Variants in VRK2 observed in about 807,000 individuals in gnomAD.
VRK2 encodes the protein VRK serine/threonine kinase 2.
A neutral mutation model predicts 57.6 loss-of-function variants in VRK2; 60 were observed. That is an observed-to-expected ratio of 1.04 (90% confidence interval 0.85 to 1.29). The LOEUF (loss-of-function observed/expected upper bound fraction) is 1.29, where lower values mean the gene tolerates loss of function less well. Among genes scored for constraint, VRK2 ranks in the 50% most tolerant of loss-of-function variants. The pLI is 0.00. For missense variants in VRK2, 705 were observed against 588.1 expected (o/e 1.20, Z -2.06); for synonymous variants, 231 against 199.2 (o/e 1.16, Z -1.35).
intron 1 of VRK2, among the ~76,000 whole-genome samples, chr2:58,014,120 A>T (rs545063257): frequency 6.6e-6 from 1 of 152,142 alleles, no homozygotes; most frequent in East Asian, 1.9e-4. Flanking sequence ...TTGCTAATTG[A>T]TTCATTTTTA....
At chr2:57,915,499 G>A (rs1670118366) in intron 1 of VRK2, among the ~76,000 whole-genome samples, 1 of 152,024 alleles carries the variant, frequency 6.6e-6, no homozygotes, top group Non-Finnish European at 1.5e-5. Context: ...ATACATATGT[G>A]CTCCCTAGGA....
At chr2:58,099,386 C>CA (rs1673632645) in intron 7 of VRK2, among the ~76,000 whole-genome samples, 1 of 152,194 alleles carries the variant, frequency 6.6e-6, no homozygotes, top group East Asian at 1.9e-4. Flanking sequence ...GCTCAGGTCT[C>CA]ACTTGCCTTC....
At chr2:58,032,719 C>T (rs1389477657) in intron 2 of VRK2, among the ~76,000 whole-genome samples, 1 of 152,124 alleles carries the variant, frequency 6.6e-6, no homozygotes, top group Non-Finnish European at 1.5e-5. Flanking sequence ...AGTGCTTTAG[C>T]TCAGCATCTC....
At chr2:58,133,594 T>TA (rs1679534397) in intron 9 of VRK2, among the ~76,000 whole-genome samples, 1 of 152,208 alleles carries the variant, frequency 6.6e-6, no homozygotes, top group South Asian at 2.1e-4. Context: ...TCAATGTGTG[T>TA]ATTGTTGCTA....
intron 1 of VRK2, among the ~76,000 whole-genome samples, chr2:58,002,210 G>C (rs1387321310): frequency 6.6e-6 from 1 of 152,224 alleles, no homozygotes; most frequent in African/African-American, 2.4e-5. Context: ...GCTGGGCGTG[G>C]TGGTTCACGC....
intron 1 of VRK2, among the ~76,000 whole-genome samples, chr2:57,968,805 G>A (rs991736039): frequency 6.6e-6 from 1 of 152,000 alleles, no homozygotes; most frequent in Non-Finnish European, 1.5e-5. Context: ...ATGTTGTTCT[G>A]TTACGAAAAC....
intron 3 of VRK2, among the ~76,000 whole-genome samples, chr2:58,035,302 C>G (rs957987027): frequency 1.3e-5 from 2 of 152,010 alleles, no homozygotes; most frequent in African/African-American, 4.8e-5. Flanking sequence ...AAAACCTGCT[C>G]TTATCATTAC....
chr2:57,943,633 A>C (rs1671166536), intron 1 of VRK2, among the ~76,000 whole-genome samples: 1 of 152,238 alleles, frequency 6.6e-6, no homozygotes, highest in South Asian at 2.1e-4. Context: ...GGGTATGATA[A>C]ACTTGATGAT....
intron 1 of VRK2, among the ~76,000 whole-genome samples, chr2:57,951,050 G>A (rs1671412575): frequency 6.6e-6 from 1 of 151,946 alleles, no homozygotes; most frequent in Admixed American, 6.6e-5. Context: ...CGAGATTGCA[G>A]CACTGCACTC....
intron 2 of VRK2, among the ~76,000 whole-genome samples, chr2:58,071,329 T>C (rs1037263189): frequency 2.0e-5 from 3 of 152,100 alleles, no homozygotes; most frequent in Non-Finnish European, 4.4e-5. Context: ...ACAGTTCTTT[T>C]CTTGCATGGA....
At chr2:57,967,593 G>T (rs1671964011) in intron 1 of VRK2, among the ~76,000 whole-genome samples, 1 of 152,072 alleles carries the variant, frequency 6.6e-6, no homozygotes, top group Non-Finnish European at 1.5e-5. Flanking sequence ...AATCTTGCGT[G>T]AGGCAGTTGA....
At chr2:57,933,933 C>A (rs983403962) in intron 1 of VRK2, among the ~76,000 whole-genome samples, 2 of 151,896 alleles carry the variant, frequency 1.3e-5, no homozygotes, top group Non-Finnish European at 2.9e-5. Flanking sequence ...GTTTTGTGAC[C>A]ATGAAGTTTA....
At chr2:58,096,804 A>G (rs1388028575) in intron 7 of VRK2, among the ~76,000 whole-genome samples, 1 of 151,664 alleles carries the variant, frequency 6.6e-6, no homozygotes, top group Non-Finnish European at 1.5e-5. Flanking sequence ...ATGTCCCTCC[A>G]TAAGAGTTTA....
intron 7 of VRK2, among the ~76,000 whole-genome samples, chr2:58,105,319 T>C (rs1674572196): frequency 6.6e-6 from 1 of 151,674 alleles, no homozygotes; most frequent in South Asian, 2.1e-4. Flanking sequence ...GACAAAGGGC[T>C]AATATCCAGA....
At position 58,159,793 on chromosome 2, in the gene VRK2, G is replaced by GTAAT. The variant is rs759217526; in HGVS notation, c.*102_*105dup. ...GTGTTTCCTTCCAGACATTTTTAAG[G>GTAAT]TAATTGGCTTTAAAAAGAGAACATA... On this transcript the variant is annotated 3_prime_UTR_variant, in exon 13 of 13. Coordinates refer to ENST00000340157, the MANE Select transcript of VRK2 (RefSeq NM_006296.7). The GTAAT allele has an allele frequency of 3.7e-3, 5,889 of 1,612,828 alleles. 21 individuals are homozygous for GTAAT. The highest frequency in any genetic ancestry group is 4.5e-3 in the Admixed American group (267 of 59,900).
At chr2:57,989,528 T>C (rs1672699778) in intron 1 of VRK2, among the ~76,000 whole-genome samples, 1 of 152,196 alleles carries the variant, frequency 6.6e-6, no homozygotes, top group African/African-American at 2.4e-5. Flanking sequence ...TGTGGTTTAA[T>C]AAAAATTTTG....
At chr2:58,043,945 T>C (rs1338617755), upstream of VRK2, among the ~76,000 whole-genome samples, 1 of 152,192 alleles carries the variant, frequency 6.6e-6, no homozygotes, top group East Asian at 1.9e-4. Context: ...ATTTCTTCTT[T>C]TAGGTTTCCA....
At chr2:57,991,111 G>A (rs1159630693) in intron 1 of VRK2, among the ~76,000 whole-genome samples, 1 of 152,058 alleles carries the variant, frequency 6.6e-6, no homozygotes, top group Non-Finnish European at 1.5e-5. Flanking sequence ...AATGTGAACA[G>A]ATTCTATATT....
intron 1 of VRK2, among the ~76,000 whole-genome samples, chr2:58,019,836 A>G (rs1673695934): frequency 6.6e-6 from 1 of 152,242 alleles, no homozygotes; most frequent in African/African-American, 2.4e-5. Flanking sequence ...GAACAACTGG[A>G]TGAACTAGAA....
Sources: allele counts gnomAD v4.1 joint callset (sites outside exome capture counted in the v4.1 genomes callset), GRCh38; gene constraint gnomAD v4.1.1; transcripts MANE v1.5; gene names NCBI Gene and HGNC (gene_info 2026-07-23, HGNC 2026-07-21).